EXOC2: variants seen among roughly 807,000 people sequenced by gnomAD.
The protein encoded by EXOC2 is SEC5-like 1.
A neutral mutation model predicts 131.8 loss-of-function variants in EXOC2; 70 were observed. The observed-to-expected ratio is 0.53, with a 90% CI of 0.44 to 0.65. The LOEUF (loss-of-function observed/expected upper bound fraction) is 0.65. Among genes scored for constraint, EXOC2 ranks in the 30% least tolerant of loss-of-function variants. The probability of loss-of-function intolerance (pLI) is 0.00; values close to 1 mark genes in which losing one functional copy is unlikely to be tolerated. For synonymous variants in EXOC2, 411 were observed against 398.4 expected, an observed-to-expected ratio of 1.03 and a Z score of -0.38; for missense variants, 923 against 1,108.6, an observed-to-expected ratio of 0.83 and a Z score of 2.38.
At chr6:587,855 G>A (rs1561893299) in intron 11 of EXOC2, among the ~76,000 whole-genome samples, 1 of 152,126 alleles carries the variant, frequency 6.6e-6, no homozygotes, top group South Asian at 2.1e-4. Flanking sequence ...TTTAGGTAAT[G>A]GTCATGGTAT....
chr6:510,635 C>T (rs569559155), intron 23 of EXOC2, among the ~76,000 whole-genome samples: 11 of 152,020 alleles, frequency 7.2e-5, no homozygotes, highest in Middle Eastern at 3.4e-3. Flanking sequence ...CCTCTCATTT[C>T]AAAATGTAAA....
chr6:579,718 AAACT>A (rs772784152), intron 11 of EXOC2, among the ~76,000 whole-genome samples: 1 of 152,346 alleles, frequency 6.6e-6, no homozygotes, highest in African/African-American at 2.4e-5. Flanking sequence ...AAAGCAACAC[AAACT>A]TTTTAAATAC....
rs375237984 is a variant in EXOC2, at chr6:680,228, C to T, written c.-44+12791G>A. On this transcript the variant is annotated intron_variant, in intron 1 of 27. Coordinates refer to ENST00000230449, the MANE Select transcript of EXOC2 (RefSeq NM_018303.6). ...TCCATAAATGACTTAGTTTGTACCT[C>T]TACAAATGACATTGCACCCAGCCCC... Among the ~76,000 whole-genome samples, 10 of 152,280 alleles carry T rather than the reference C, an allele frequency of 6.6e-5. No individual in the cohort carries two copies. The South Asian group carries it at 1.9e-3, about 28-fold the overall frequency.
intron 1 of EXOC2, among the ~76,000 whole-genome samples, chr6:665,910 T>A (rs1039719666): frequency 6.6e-6 from 1 of 152,138 alleles, no homozygotes; most frequent in African/African-American, 2.4e-5. Context: ...ATACCACCTG[T>A]ACCCCAATAA....
intron 27 of EXOC2, among the ~76,000 whole-genome samples, chr6:488,291 GTGCCTGTCTA>G (rs1763208344): frequency 6.6e-6 from 1 of 152,184 alleles, no homozygotes; most frequent in South Asian, 2.1e-4. Flanking sequence ...TGCACCACAT[GTGCCTGTCTA>G]TGGGCCCGGC....
chr6:642,893 C>T (rs1299727368), intron 1 of EXOC2, among the ~76,000 whole-genome samples: 2 of 150,746 alleles, frequency 1.3e-5, no homozygotes, highest in Non-Finnish European at 3.0e-5. Flanking sequence ...GAAAAAAAGT[C>T]TGAAATTAAA....
intron 1 of EXOC2, among the ~76,000 whole-genome samples, chr6:650,309 A>C (rs1434357286): frequency 1.3e-5 from 2 of 152,220 alleles, no homozygotes; most frequent in East Asian, 1.9e-4. Context: ...ATCTATAAAC[A>C]AGATGATTGG....
chr6:668,453 G>A (rs898396746), intron 1 of EXOC2, among the ~76,000 whole-genome samples: 2 of 152,106 alleles, frequency 1.3e-5, no homozygotes, highest in Non-Finnish European at 2.9e-5. Context: ...TGAAATCTGC[G>A]TTCTGTCACA....
chr6:596,973 T>C (rs1474387647), intron 10 of EXOC2, among the ~76,000 whole-genome samples: 1 of 152,210 alleles, frequency 6.6e-6, no homozygotes, highest in African/African-American at 2.4e-5. Flanking sequence ...GGTGAGGTAT[T>C]AAACCCTTAA....
Position 555,107 on chromosome 6 carries a change from G to A in EXOC2, c.2054+120C>T, listed in dbSNP as rs1295689820. 6.9e-5 allele frequency: 33 copies of A among 475,184 alleles called. No homozygotes were observed. In the East Asian group the frequency reaches 9.7e-4, roughly 14 times the overall value. 29.4% of individuals were successfully genotyped at this position (475,184 alleles called of 1,614,324 possible). A position where few individuals can be genotyped will look rare whatever the true frequency, so the allele number is the denominator to read the frequency against. ...GAATATAAAAAAAAACTATTACTTC[G>A]ATATGAACAATCTTTCTTTCTTACT... On this transcript the variant is annotated intron_variant, in intron 20 of 27. Transcript: ENST00000230449.
chr6:515,356 A>G (rs770720119), intron 23 of EXOC2, among the ~76,000 whole-genome samples: 27 of 152,250 alleles, frequency 1.8e-4, no homozygotes, highest in Non-Finnish European at 3.8e-4. Context: ...ATGTCTTAAC[A>G]TCTGTCCGTC....
chr6:660,874 C>A (rs1018466971), intron 1 of EXOC2, among the ~76,000 whole-genome samples: 1 of 151,954 alleles, frequency 6.6e-6, no homozygotes, highest in African/African-American at 2.4e-5. Context: ...CAGGGAAAGG[C>A]GGAGCCCAAT....
At chr6:503,671 G>A (rs1182753507) in intron 23 of EXOC2, among the ~76,000 whole-genome samples, 5 of 152,038 alleles carry the variant, frequency 3.3e-5, no homozygotes, top group Non-Finnish European at 5.9e-5. Flanking sequence ...GTCCTTAAAC[G>A]GTTAAAGAAT....
intron 1 of EXOC2, among the ~76,000 whole-genome samples, chr6:649,883 AGT>A (rs1762754839): frequency 6.6e-6 from 1 of 152,222 alleles, no homozygotes; most frequent in Admixed American, 6.5e-5. Context: ...TAAAAGGCAT[AGT>A]GTTTTCTTGC....
intron 21 of EXOC2, among the ~76,000 whole-genome samples, chr6:550,489 A>G (rs1434917259): frequency 6.6e-6 from 1 of 152,222 alleles, no homozygotes; most frequent in East Asian, 1.9e-4. Context: ...AACAAACATA[A>G]GTAAAAGGCC....
At chr6:594,740 C>A (rs1238551705) in intron 10 of EXOC2, among the ~76,000 whole-genome samples, 2 of 152,160 alleles carry the variant, frequency 1.3e-5, no homozygotes, top group African/African-American at 4.8e-5. Flanking sequence ...TTTTACAAAG[C>A]AAGATAAAGT....
At chr6:553,974 A>G in intron 20 of EXOC2, 54 bp from the exon 21 acceptor site, 1 of 1,400,200 alleles carries the variant, frequency 7.1e-7, no homozygotes, top group South Asian at 1.2e-5. Context: ...AAATTCAAAA[A>G]TGCAATGAAC....
chr6:636,438 T>G (rs1038961906), intron 2 of EXOC2, among the ~76,000 whole-genome samples: 2 of 152,218 alleles, frequency 1.3e-5, no homozygotes, highest in African/African-American at 4.8e-5. Context: ...GAGATGCCGG[T>G]CACAGTTAGA....
chr6:653,600 T>A (rs1179067508), intron 1 of EXOC2, among the ~76,000 whole-genome samples: 1 of 152,222 alleles, frequency 6.6e-6, no homozygotes, highest in Non-Finnish European at 1.5e-5. Context: ...AGTTAGAGGA[T>A]GGTTCATAAG....
Sources: allele counts gnomAD v4.1 joint callset (sites outside exome capture counted in the v4.1 genomes callset), GRCh38; gene constraint gnomAD v4.1.1; transcripts MANE v1.5; gene names NCBI Gene and HGNC (gene_info 2026-07-23, HGNC 2026-07-21).